Variants in DNAJC3 observed in about 807,000 individuals in gnomAD.
The protein encoded by DNAJC3 is dnaJ homolog subfamily C member 3.
DNAJC3 carries 38 observed loss-of-function variants against 68.6 expected under a neutral mutation model. The observed-to-expected ratio is 0.55, with a 90% CI of 0.43 to 0.73. DNAJC3 has a LOEUF of 0.73. DNAJC3 is among the 30% of genes least tolerant of loss of function. The pLI is 0.00. For missense variants in DNAJC3, 526 were observed against 591.9 expected (o/e 0.89, Z 1.16); for synonymous variants, 203 against 204.0 (o/e 1.00, Z 0.04).
intron 11 of DNAJC3, among the ~76,000 whole-genome samples, chr13:95,790,393 T>C (rs1883732046): frequency 6.6e-6 from 1 of 152,118 alleles, no homozygotes; most frequent in African/African-American, 2.4e-5. Context: ...CCTGGAGTTG[T>C]ATGTTATGGA....
At chr13:95,758,902 C>T (rs1358974300) in intron 5 of DNAJC3, among the ~76,000 whole-genome samples, 1 of 152,062 alleles carries the variant, frequency 6.6e-6, no homozygotes, top group African/African-American at 2.4e-5. Context: ...GTGATATGGT[C>T]CAGTAGAATT....
At chr13:95,709,141 C>T in intron 1 of DNAJC3, 86 bp from the exon 2 acceptor site, 1 of 956,362 alleles carries the variant, frequency 1.0e-6, no homozygotes. Flanking sequence ...ATGACTGAGA[C>T]AGATAACTAT....
intron 1 of DNAJC3, among the ~76,000 whole-genome samples, chr13:95,703,948 AAGT>A (rs1880648096): frequency 6.6e-6 from 1 of 151,988 alleles, no homozygotes; most frequent in South Asian, 2.1e-4. Flanking sequence ...TTGAGCATGG[AAGT>A]AGTATGACAT....
At chr13:95,704,053 T>A (rs1880651045) in intron 1 of DNAJC3, among the ~76,000 whole-genome samples, 1 of 152,200 alleles carries the variant, frequency 6.6e-6, no homozygotes, top group Non-Finnish European at 1.5e-5. Flanking sequence ...GGATTCATTT[T>A]TCCAACTAGT....
At chr13:95,763,035 C>T (rs1457397086) in intron 7 of DNAJC3, among the ~76,000 whole-genome samples, 7 of 152,106 alleles carry the variant, frequency 4.6e-5, no homozygotes, top group Non-Finnish European at 1.0e-4. Flanking sequence ...ATATTTTTTA[C>T]TTTACTATTG....
At chr13:95,757,938 A>G in intron 5 of DNAJC3, 142 bp downstream of exon 5, 2 of 910,030 alleles carry the variant, frequency 2.2e-6, no homozygotes, top group Non-Finnish European at 1.5e-6. Flanking sequence ...TAAGTATAAA[A>G]TAGTGTTCCT....
intron 4 of DNAJC3, among the ~76,000 whole-genome samples, chr13:95,736,302 C>T (rs1286918552): frequency 2.6e-5 from 4 of 151,858 alleles, no homozygotes; most frequent in African/African-American, 7.3e-5. Context: ...CTTGGCGATG[C>T]GGGCTCTTTT....
chr13:95,771,558 G>A (rs1238525271), intron 9 of DNAJC3, among the ~76,000 whole-genome samples: 1 of 152,038 alleles, frequency 6.6e-6, no homozygotes, highest in Non-Finnish European at 1.5e-5. Context: ...AGGGTGAGGA[G>A]TGTGACAGAT....
In DNAJC3 at chr13:95,683,470, G is replaced by A. The variant is rs149801340; in HGVS notation, c.82+6133G>A. 2.8e-4 allele frequency among the ~76,000 whole-genome samples: 42 copies of A among 152,296 alleles called. No homozygotes were observed. The East Asian group carries it at 6.2e-3, about 22-fold the overall frequency. Reference sequence around the variant, plus strand: ...AGATCTGGTTGTTTAAAAGTGTGCAGTATCTCCCCCCTCTCTGTCTTCCTC... The same window carrying A: ...AGATCTGGTTGTTTAAAAGTGTGCAATATCTCCCCCCTCTCTGTCTTCCTC... On this transcript the variant is annotated intron_variant, in intron 1 of 11. Transcript: ENST00000602402.
intron 11 of DNAJC3, among the ~76,000 whole-genome samples, chr13:95,789,813 T>G (rs1883711837): frequency 6.6e-6 from 1 of 152,216 alleles, no homozygotes; most frequent in South Asian, 2.1e-4. Flanking sequence ...GCATCTATTT[T>G]TTTTACTTTT....
In DNAJC3 at chr13:95,723,250, C is replaced by A; in HGVS notation, c.202C>A (p.Pro68Thr). Residue 68 changes from proline (P) to threonine (T), a missense_variant, in exon 3 of 12, where the codon CCT becomes ACT. By Grantham distance (38) the Pro-to-Thr change is conservative. Transcript: ENST00000602402. ...ATTATTTTAATTTTCAGATGGTGACCCTGATAACTATATTGCTTATTATCG... is the reference window on the plus strand; with the variant it reads ...ATTATTTTAATTTTCAGATGGTGACACTGATAACTATATTGCTTATTATCG... ...SQFHAAVDGD[P>T]DNYIAYYRRA... 1 of 1,587,158 alleles carries A rather than the reference C, an allele frequency of 6.3e-7. No homozygotes were observed. Among genetic ancestry groups the A allele is most frequent in the Non-Finnish European group, 8.6e-7 (1 of 1,164,298 alleles).
intron 2 of DNAJC3, among the ~76,000 whole-genome samples, chr13:95,717,981 T>C (rs1881205571): frequency 6.6e-6 from 1 of 152,234 alleles, no homozygotes; most frequent in Non-Finnish European, 1.5e-5. Flanking sequence ...TTTCTCCAGA[T>C]AGTAGTTGTA....
chr13:95,741,510 A>G (rs1057302194), intron 4 of DNAJC3, among the ~76,000 whole-genome samples: 1 of 152,110 alleles, frequency 6.6e-6, no homozygotes, highest in African/African-American at 2.4e-5. Context: ...GCTGGCATTT[A>G]TGTTAGTGGG....
Position 95,760,754 on chromosome 13 carries a change from T to G in DNAJC3, c.804T>G (p.Leu268=). Residue 268 remains leucine, a synonymous_variant, in exon 7 of 12, where the codon CTT becomes CTG. Transcript: ENST00000602402. ...CACACTATAAACAAGTAAAGAAACT[T>G]AATAAGCTGATTGAGTCAGCTGAAG... ...CFAHYKQVKK[L]NKLIESAEEL... The G allele has an allele frequency of 6.2e-7, 1 of 1,612,646 alleles. No individual in the cohort carries two copies. The highest frequency in any genetic ancestry group is 8.5e-7 in the Non-Finnish European group (1 of 1,179,350).
chr13:95,684,079 A>G (rs1014614934), intron 1 of DNAJC3, among the ~76,000 whole-genome samples: 9 of 152,188 alleles, frequency 5.9e-5, no homozygotes, highest in Non-Finnish European at 1.3e-4. Flanking sequence ...GGAATGGGGT[A>G]ATGGGCAGAG....
intron 9 of DNAJC3, among the ~76,000 whole-genome samples, chr13:95,764,695 C>CACAT (rs1278619668): frequency 8.7e-6 from 1 of 114,790 alleles, no homozygotes; most frequent in Non-Finnish European, 1.8e-5. Flanking sequence ...CACACACACA[C>CACAT]ATATATATAT....
chr13:95,704,612 G>A (rs1007260988), intron 1 of DNAJC3, among the ~76,000 whole-genome samples: 2 of 152,150 alleles, frequency 1.3e-5, no homozygotes, highest in African/African-American at 2.4e-5. Context: ...TCTATGAATG[G>A]TGGAGTTGGC....
intron 9 of DNAJC3, among the ~76,000 whole-genome samples, chr13:95,770,256 T>C (rs1420601338): frequency 1.3e-5 from 2 of 151,364 alleles, no homozygotes; most frequent in Non-Finnish European, 2.9e-5. Flanking sequence ...GAGGCTTCTT[T>C]AAGAAAGGAA....
rs1395316598 is a variant in DNAJC3 at position 95,763,573 on chromosome 13, G to A, written c.849-70G>A. On this transcript the variant is annotated intron_variant, in intron 7 of 11. Transcript: ENST00000602402. ...TGATTAAGCAACACATGGTGAAGAG[G>A]GGAGGAGCCTTTCTACAGCTCTGGA... 2.8e-6 allele frequency: 4 copies of A among 1,443,496 alleles called. No homozygotes were observed. In the East Asian group the frequency reaches 9.4e-5, roughly 34 times the overall value. The allele number at this position is 1,443,496 out of a possible 1,614,324, so 89.4% of individuals were successfully genotyped here.
Sources: gnomAD v4.1 joint callset for allele counts (sites outside exome capture counted in the v4.1 genomes callset) on GRCh38, gnomAD v4.1.1 for gene constraint, MANE v1.5 for transcripts, NCBI Gene and HGNC (gene_info 2026-07-23, HGNC 2026-07-21) for gene names.